NRG3: variants seen among roughly 807,000 people sequenced by gnomAD.
NRG3 encodes pro-neuregulin-3, membrane-bound isoform.
NRG3 carries 31 observed loss-of-function variants against 66.9 expected under a neutral mutation model. The ratio of observed to expected loss-of-function variants is 0.46; its 90% CI spans 0.35 to 0.63. The LOEUF (loss-of-function observed/expected upper bound fraction) is 0.63, where lower values mean the gene tolerates loss of function less well. Ranked by LOEUF, NRG3 falls within the 20% of genes least tolerant of loss-of-function variation. The probability of loss-of-function intolerance (pLI) is 0.00; values close to 1 mark genes in which losing one functional copy is unlikely to be tolerated. For missense variants in NRG3, 910 were observed against 878.9 expected (o/e 1.04, Z -0.45); for synonymous variants, 393 against 359.4 (o/e 1.09, Z -1.06).
In NRG3 at chr10:81,933,093, G is replaced by T. The variant is rs545083836; in HGVS notation, c.823+56930G>T. Among the ~76,000 whole-genome samples the T allele has an allele frequency of 2.2e-5, 3 of 134,424 alleles. No individual in the cohort carries two copies. In the South Asian group the frequency reaches 7.0e-4, roughly 31 times the overall value. 88.2% of individuals were successfully genotyped at this position (134,424 alleles called of 152,430 possible). A position where few individuals can be genotyped will look rare whatever the true frequency, so the allele number is the denominator to read the frequency against. ...ACTGCACTCCAGCCTGGGCAACAGAGCAACGCTCCATCTCAAAAAAAAAAA... is the reference window on the plus strand; with the variant it reads ...ACTGCACTCCAGCCTGGGCAACAGATCAACGCTCCATCTCAAAAAAAAAAA... On this transcript the variant is annotated intron_variant, in intron 1 of 8. Transcript: ENST00000372141.
chr10:82,890,304 G>T (rs2136116916), intron 4 of NRG3, among the ~76,000 whole-genome samples: 1 of 152,154 alleles, frequency 6.6e-6, no homozygotes, highest in East Asian at 1.9e-4. Context: ...AAAGAACGGT[G>T]CTGATTTTTT....
At chr10:82,815,524 CT>C (rs2061670390) in intron 3 of NRG3, among the ~76,000 whole-genome samples, 1 of 152,158 alleles carries the variant, frequency 6.6e-6, no homozygotes, top group African/African-American at 2.4e-5. Flanking sequence ...GAGCTCTCTG[CT>C]TTCCCCCATG....
At position 82,633,585 on chromosome 10, in the gene NRG3, A is replaced by G. The variant is rs147839452; in HGVS notation, c.954-104992A>G. ...ATAATTAGTATTAGTGCAGTCCACC[A>G]AGGGCTTAAAGTGTGGCCCAGGAGT... On this transcript the variant is annotated intron_variant, in intron 2 of 8. Coordinates refer to ENST00000372141, the MANE Select transcript of NRG3 (RefSeq NM_001010848.4). Among the ~76,000 whole-genome samples the G allele has an allele frequency of 4.9e-4, 74 of 152,262 alleles. 1 individual carries two copies. Among genetic ancestry groups the G allele is most frequent in the Non-Finnish European group, 7.9e-4 (54 of 68,014 alleles).
At chr10:82,073,661 A>G (rs2064931149) in intron 1 of NRG3, among the ~76,000 whole-genome samples, 1 of 152,064 alleles carries the variant, frequency 6.6e-6, no homozygotes. Flanking sequence ...ATGTGCTATA[A>G]TTTATCTGGT....
intron 2 of NRG3, among the ~76,000 whole-genome samples, chr10:82,392,964 A>G (rs542176229): frequency 6.6e-6 from 1 of 151,960 alleles, no homozygotes; most frequent in Non-Finnish European, 1.5e-5. Context: ...AAAGATTAAG[A>G]AAGTTGTTTG....
At chr10:81,963,986 C>T (rs1029939309) in intron 1 of NRG3, among the ~76,000 whole-genome samples, 17 of 151,896 alleles carry the variant, frequency 1.1e-4, no homozygotes, top group African/African-American at 3.4e-4. Context: ...TTATTTTAAT[C>T]GTACAAAAAA....
At chr10:82,862,981 C>T (rs11196264) in intron 3 of NRG3, among the ~76,000 whole-genome samples, 21,901 of 151,922 alleles carry the variant, frequency 0.14, 1,577 homozygotes, top group African/African-American at 0.18. Flanking sequence ...ACATGCATTA[C>T]GTATTTGTCC....
At chr10:82,232,985 T>C (rs2076561699) in intron 1 of NRG3, 1 of 602,160 alleles carries the variant, frequency 1.7e-6, no homozygotes, top group Non-Finnish European at 3.0e-6. Context: ...CAGAAGAATA[T>C]TGTTTCCAGG....
intron 2 of NRG3, among the ~76,000 whole-genome samples, chr10:82,499,942 A>G (rs1746405068): frequency 6.6e-6 from 1 of 152,190 alleles, no homozygotes; most frequent in South Asian, 2.1e-4. Context: ...CATCTTGTAC[A>G]AAACTCTCTG....
intron 1 of NRG3, among the ~76,000 whole-genome samples, chr10:81,983,522 C>G (rs936708106): frequency 1.3e-5 from 2 of 152,160 alleles, no homozygotes; most frequent in African/African-American, 4.8e-5. Flanking sequence ...TTAGCATTAA[C>G]TTTTAAAGGA....
intron 1 of NRG3, among the ~76,000 whole-genome samples, chr10:82,169,140 T>C (rs1047905381): frequency 2.0e-5 from 3 of 152,112 alleles, no homozygotes. Context: ...GCGACGAGCA[T>C]ATGTGTAAAA....
chr10:82,137,499 T>C (rs1287468094), intron 1 of NRG3, among the ~76,000 whole-genome samples: 1 of 152,166 alleles, frequency 6.6e-6, no homozygotes, highest in Non-Finnish European at 1.5e-5. Context: ...TAGGTTCATG[T>C]AGGAATTGGT....
intron 1 of NRG3, among the ~76,000 whole-genome samples, chr10:82,318,865 A>G (rs2081421010): frequency 6.6e-6 from 1 of 152,216 alleles, no homozygotes; most frequent in African/African-American, 2.4e-5. Context: ...GTGGCAGCTC[A>G]ATAAATATTT....
chr10:82,390,613 G>A (rs902833979), intron 2 of NRG3, among the ~76,000 whole-genome samples: 2 of 152,158 alleles, frequency 1.3e-5, no homozygotes, highest in Non-Finnish European at 2.9e-5. Context: ...TGAATAAGGT[G>A]TATGAACCAC....
chr10:82,919,516 T>C lies in NRG3; in HGVS notation c.1055-31953T>C, dbSNP rs556744666. Reference sequence around the variant, plus strand: ...ACAACCACTGATCTTCCACTATGCATGAATAAACCTTTTAAGACTCTCAGC... The same window carrying C: ...ACAACCACTGATCTTCCACTATGCACGAATAAACCTTTTAAGACTCTCAGC... On this transcript the variant is annotated intron_variant, in intron 4 of 8. Coordinates refer to ENST00000372141, the MANE Select transcript of NRG3 (RefSeq NM_001010848.4). Among the ~76,000 whole-genome samples, 3 of 152,322 alleles carry C rather than the reference T, an allele frequency of 2.0e-5. No individual in the cohort carries two copies. The South Asian group carries it at 6.2e-4, about 32-fold the overall frequency.
intron 3 of NRG3, among the ~76,000 whole-genome samples, chr10:82,778,077 A>G (rs907761737): frequency 6.6e-6 from 1 of 152,162 alleles, no homozygotes; most frequent in African/African-American, 2.4e-5. Context: ...CAGGGAATAC[A>G]GCTGCTCTGC....
intron 1 of NRG3, among the ~76,000 whole-genome samples, chr10:82,097,533 T>C (rs917011511): frequency 3.3e-5 from 5 of 150,794 alleles, no homozygotes; most frequent in African/African-American, 1.2e-4. Context: ...ATCTGTGATA[T>C]ATATATATAG....
At chr10:82,115,409 A>G (rs958998297) in intron 1 of NRG3, among the ~76,000 whole-genome samples, 1 of 152,154 alleles carries the variant, frequency 6.6e-6, no homozygotes, top group Non-Finnish European at 1.5e-5. Context: ...ACTTGTATCA[A>G]AAATCCCAAG....
At chr10:82,601,128 T>G (rs2047600257) in intron 2 of NRG3, among the ~76,000 whole-genome samples, 1 of 152,212 alleles carries the variant, frequency 6.6e-6, no homozygotes, top group Non-Finnish European at 1.5e-5. Flanking sequence ...ATGATTTTAT[T>G]CTTTTTTATG....
Sources: gnomAD v4.1 joint callset for allele counts (sites outside exome capture counted in the v4.1 genomes callset) on GRCh38, gnomAD v4.1.1 for gene constraint, MANE v1.5 for transcripts, NCBI Gene and HGNC (gene_info 2026-07-23, HGNC 2026-07-21) for gene names.